The following DCDC1 variants were observed in gnomAD, a reference collection of about 807,000 sequenced individuals.
The protein encoded by DCDC1 is doublecortin domain-containing protein 1.
A neutral mutation model predicts 178.3 loss-of-function variants in DCDC1; 200 were observed. The ratio of observed to expected loss-of-function variants is 1.12; its 90% CI spans 1.00 to 1.26. The LOEUF is 1.26. Among genes scored for constraint, DCDC1 ranks in the 50% most tolerant of loss-of-function variants. The probability of loss-of-function intolerance (pLI) is 0.00; values close to 1 mark genes in which losing one functional copy is unlikely to be tolerated. For missense variants in DCDC1, 1,983 were observed against 1,749.2 expected, an observed-to-expected ratio of 1.13 and a Z score of -2.38; for synonymous variants, 690 against 604.8, an observed-to-expected ratio of 1.14 and a Z score of -2.07.
intron 17 of DCDC1, among the ~76,000 whole-genome samples, chr11:31,084,269 T>G (rs1957352034): frequency 6.6e-6 from 1 of 152,146 alleles, no homozygotes; most frequent in East Asian, 1.9e-4. Flanking sequence ...TATGTCTTGA[T>G]TCACAGCTTT....
chr11:31,175,285 T>A (rs1967841901), intron 9 of DCDC1, among the ~76,000 whole-genome samples: 1 of 152,162 alleles, frequency 6.6e-6, no homozygotes, highest in Non-Finnish European at 1.5e-5. Context: ...ACAACCAGTG[T>A]TCCTGGCTGT....
At chr11:30,925,877 T>G (rs933886450) in intron 22 of DCDC1, among the ~76,000 whole-genome samples, 1 of 152,158 alleles carries the variant, frequency 6.6e-6, no homozygotes, top group Non-Finnish European at 1.5e-5. Context: ...GTCACCAAGT[T>G]CCTCAGCTCC....
intron 6 of DCDC1, among the ~76,000 whole-genome samples, chr11:31,294,798 A>AAAAGAAAGAAAGAAAG (rs199955696): frequency 1.8e-4 from 23 of 125,232 alleles, no homozygotes; most frequent in South Asian, 3.0e-4. Context: ...AAAATAAAGA[A>AAAAGAAAGAAAGAAAG]AAAGAAAGAA....
At chr11:31,150,300 G>A (rs756832471) in intron 9 of DCDC1, among the ~76,000 whole-genome samples, 99 of 152,236 alleles carry the variant, frequency 6.5e-4, no homozygotes, top group Middle Eastern at 3.4e-3. Flanking sequence ...TCAAAAATAA[G>A]AGGATTAGTA....
At position 30,956,559 on chromosome 11, in the gene DCDC1, C is replaced by T. The variant is rs1023474494; in HGVS notation, c.2592-3991G>A. ...TCGTTCTATGCATAGGAGCAAGTAT[C>T]TGCAAACTTAATGTTGTCCAGAATA... On this transcript the variant is annotated intron_variant, in intron 20 of 38. Transcript: ENST00000684477. 2.0e-5 allele frequency among the ~76,000 whole-genome samples: 3 copies of T among 152,154 alleles called. 1 individual carries two copies. The South Asian group carries it at 6.2e-4, about 31-fold the overall frequency.
intron 20 of DCDC1, among the ~76,000 whole-genome samples, chr11:30,997,956 TTTGA>T (rs1244178067): frequency 6.6e-6 from 1 of 152,006 alleles, no homozygotes; most frequent in African/African-American, 2.4e-5. Context: ...CAAGATGAAC[TTTGA>T]TTGTGTTGTA....
rs1477006410 is a variant in DCDC1 at position 31,328,101 on chromosome 11, G to C, written c.164+16C>G. On this transcript the variant is annotated intron_variant, in intron 3 of 38. Transcript: ENST00000684477. ...CCTTCAGTATTTAGTTTAAGCTGCT[G>C]AAATAATGTTCTTACCTTGGTAAAT... The C allele has an allele frequency of 1.9e-6, 3 of 1,583,012 alleles. No homozygotes were observed. Among genetic ancestry groups the C allele is most frequent in the Non-Finnish European group, 2.6e-6 (3 of 1,160,258 alleles).
chr11:31,174,885 C>T (rs1967782677), intron 9 of DCDC1, among the ~76,000 whole-genome samples: 1 of 152,176 alleles, frequency 6.6e-6, no homozygotes, highest in Non-Finnish European at 1.5e-5. Flanking sequence ...TAAAGCTCCT[C>T]TTCGTCTTGC....
intron 9 of DCDC1, among the ~76,000 whole-genome samples, chr11:31,202,510 G>C (rs1291503663): frequency 6.6e-6 from 1 of 152,148 alleles, no homozygotes; most frequent in Non-Finnish European, 1.5e-5. Flanking sequence ...GGTGGAGGTT[G>C]CAGTGAGCCA....
At chr11:31,315,227 G>C (rs1057337359) in intron 3 of DCDC1, among the ~76,000 whole-genome samples, 3 of 150,534 alleles carry the variant, frequency 2.0e-5, no homozygotes, top group Non-Finnish European at 4.4e-5. Flanking sequence ...CTACCAAGTG[G>C]TGCTGCTCAT....
Position 31,077,901 on chromosome 11 carries a change from C to G in DCDC1, c.2262G>C (p.Lys754Asn), listed in dbSNP as rs776759662. 1.3e-6 allele frequency: 1 copy of G among 766,138 alleles called. No individual in the cohort carries two copies. The allele number at this position is 766,138 out of a possible 1,614,324, so 47.5% of individuals were successfully genotyped here. The change falls in exon 18 of 39, where the codon AAG becomes AAC. Residue 754 changes from lysine to asparagine, a missense_variant. By Grantham distance (94) the Lys-to-Asn change is moderately conservative (BLOSUM62 0). Coordinates refer to ENST00000684477, the MANE Select transcript of DCDC1 (RefSeq NM_001387274.1). ...QKRHSGDDSQ[K>N]WVFGTDGCIY... The stretch of plus-strand genomic sequence containing the variant: ...TGCAACCATCAGTTCCAAACACCCA[C>G]TTCTGAGAGTCATCTCCACTATGTC...
chr11:31,112,398 C>T (rs529891047), intron 11 of DCDC1, among the ~76,000 whole-genome samples: 70 of 152,258 alleles, frequency 4.6e-4, no homozygotes, highest in African/African-American at 7.5e-4. Flanking sequence ...GACTTAGATA[C>T]GGGAAAATTA....
chr11:31,174,407 C>A (rs917513845), intron 9 of DCDC1, among the ~76,000 whole-genome samples: 3 of 152,200 alleles, frequency 2.0e-5, no homozygotes, highest in African/African-American at 7.2e-5. Flanking sequence ...TGGGCACCAA[C>A]CAGCACAAGA....
intron 1 of DCDC1, among the ~76,000 whole-genome samples, chr11:31,369,232 A>G (rs1284739068): frequency 6.6e-6 from 1 of 152,194 alleles, no homozygotes; most frequent in Non-Finnish European, 1.5e-5. Context: ...GCGAAGTGAA[A>G]TAGCAAATGT....
At chr11:31,342,505 A>G (rs1293949822) in intron 1 of DCDC1, among the ~76,000 whole-genome samples, 1 of 152,236 alleles carries the variant, frequency 6.6e-6, no homozygotes, top group African/African-American at 2.4e-5. Context: ...ATCAAATAAG[A>G]AAAAGATCTG....
At chr11:30,917,990 T>C (rs1274203743) in intron 25 of DCDC1, among the ~76,000 whole-genome samples, 1 of 152,080 alleles carries the variant, frequency 6.6e-6, no homozygotes, top group African/African-American at 2.4e-5. Context: ...CACTGCCTCA[T>C]TCAGAACTAC....
intron 20 of DCDC1, among the ~76,000 whole-genome samples, chr11:31,057,573 T>C (rs1170463712): frequency 6.6e-6 from 1 of 152,060 alleles, no homozygotes; most frequent in Non-Finnish European, 1.5e-5. Flanking sequence ...TCCTTAAATG[T>C]ACACATCATG....
chr11:31,079,338 AC>A (rs1363985497), intron 17 of DCDC1, among the ~76,000 whole-genome samples: 1 of 152,226 alleles, frequency 6.6e-6, no homozygotes, highest in Non-Finnish European at 1.5e-5. Context: ...TCCTCAGGAC[AC>A]TTCCAGACCT....
At chr11:31,094,266 T>A (rs979055350) in intron 15 of DCDC1, 82 bp from the exon 16 acceptor site, 3 of 710,012 alleles carry the variant, frequency 4.2e-6, no homozygotes, top group African/African-American at 3.5e-5. Context: ...AAATAAGTTA[T>A]CCTAGAACAT....
Sources: gnomAD v4.1 joint callset for allele counts (sites outside exome capture counted in the v4.1 genomes callset) on GRCh38, gnomAD v4.1.1 for gene constraint, MANE v1.5 for transcripts, NCBI Gene and HGNC (gene_info 2026-07-23, HGNC 2026-07-21) for gene names.